Variants in GRM3 observed in about 807,000 individuals in gnomAD.
GRM3 encodes glutamate metabotropic receptor 3.
GRM3 carries 26 observed loss-of-function variants against 70.5 expected under a neutral mutation model. That is an observed-to-expected ratio of 0.37 (90% confidence interval 0.27 to 0.51). The LOEUF is 0.51. Ranked by LOEUF, GRM3 falls within the 20% of genes least tolerant of loss-of-function variation. The probability of loss-of-function intolerance (pLI) is 0.93; values close to 1 mark genes in which losing one functional copy is unlikely to be tolerated. For synonymous variants in GRM3, 443 were observed against 434.9 expected, an observed-to-expected ratio of 1.02 and a Z score of -0.23; for missense variants, 859 against 1,123.8, an observed-to-expected ratio of 0.76 and a Z score of 3.37.
chr7:86,793,518 G>C (rs753357090), intron 3 of GRM3, among the ~76,000 whole-genome samples: 1 of 152,160 alleles, frequency 6.6e-6, no homozygotes, highest in Non-Finnish European at 1.5e-5. Flanking sequence ...CTGATCAAAA[G>C]CATTTCCAAA....
intron 5 of GRM3, among the ~76,000 whole-genome samples, chr7:86,858,544 A>G (rs1798894419): frequency 1.3e-5 from 2 of 152,146 alleles, no homozygotes; most frequent in Admixed American, 6.5e-5. Context: ...GTCATGATAC[A>G]GCAGGAAGGC....
chr7:86,692,242 T>C (rs1032908106), intron 1 of GRM3, among the ~76,000 whole-genome samples: 1 of 152,200 alleles, frequency 6.6e-6, no homozygotes, highest in African/African-American at 2.4e-5. Context: ...ATAAGTCAGT[T>C]TCTAATCCTC....
intron 2 of GRM3, chr7:86,775,354 G>A (rs1796858521): frequency 6.6e-6 from 1 of 151,974 alleles, no homozygotes; most frequent in Admixed American, 6.6e-5. Flanking sequence ...GTTTCAAGTA[G>A]GCTCCATTTG....
At chr7:86,854,185 T>C (rs10226491) in intron 5 of GRM3, among the ~76,000 whole-genome samples, 18,624 of 152,084 alleles carry the variant, frequency 0.12, 1,470 homozygotes, top group African/African-American at 0.23. Flanking sequence ...TGACACAATC[T>C]CGTATAATAC....
intron 4 of GRM3, among the ~76,000 whole-genome samples, chr7:86,840,639 G>A (rs1004269384): frequency 1.3e-5 from 2 of 151,908 alleles, no homozygotes; most frequent in African/African-American, 4.8e-5. Context: ...CTGTTAAAAT[G>A]CTACATAAAA....
At chr7:86,741,233 GA>G (rs1196994346) in intron 1 of GRM3, among the ~76,000 whole-genome samples, 2 of 152,304 alleles carry the variant, frequency 1.3e-5, no homozygotes, top group East Asian at 3.9e-4. Flanking sequence ...GCCAGTGAAT[GA>G]AACATAGGGT....
chr7:86,673,336 T>C (rs1032781432), intron 1 of GRM3, among the ~76,000 whole-genome samples: 1 of 152,178 alleles, frequency 6.6e-6, no homozygotes, highest in African/African-American at 2.4e-5. Flanking sequence ...CTAGTAACTA[T>C]CGAGAATGAT....
intron 1 of GRM3, among the ~76,000 whole-genome samples, chr7:86,729,124 AT>A (rs994965878): frequency 1.3e-4 from 20 of 149,806 alleles, no homozygotes; most frequent in Admixed American, 6.0e-4. Context: ...TTTCAAGCAG[AT>A]TTTTTTTTTA....
At chr7:86,857,171 C>A (rs991559875) in intron 5 of GRM3, among the ~76,000 whole-genome samples, 1 of 150,058 alleles carries the variant, frequency 6.7e-6, no homozygotes, top group African/African-American at 2.5e-5. Context: ...CTTTTCAGCT[C>A]TATACCTGAT....
In GRM3 at chr7:86,799,332, C is replaced by G. The variant is rs564018204; in HGVS notation, c.1324+12216C>G. Reference sequence around the variant, plus strand: ...GACTTCCTCTCTTCCTATTTGAATACTCTTTATTCCTTTCTCTTGACTAAT... The same window carrying G: ...GACTTCCTCTCTTCCTATTTGAATAGTCTTTATTCCTTTCTCTTGACTAAT... On this transcript the variant is annotated intron_variant, in intron 3 of 5. Coordinates refer to ENST00000361669, the MANE Select transcript of GRM3 (RefSeq NM_000840.3). 2.6e-5 allele frequency among the ~76,000 whole-genome samples: 4 copies of G among 152,266 alleles called. No homozygotes were observed. The South Asian group carries it at 8.3e-4, about 32-fold the overall frequency.
Position 86,839,838 on chromosome 7 carries a change from T to C in GRM3, c.2324T>C (p.Met775Thr). Residue 775 changes from methionine to threonine, a missense_variant, in exon 4 of 6, where the codon ATG (methionine) becomes ACG (threonine). Coordinates refer to ENST00000361669, the MANE Select transcript of GRM3 (RefSeq NM_000840.3). The surrounding 1 kb of genome is among the most constrained non-coding windows in gnomAD (Gnocchi z 4.5). ...GAAGCTAAGTTCATAGGTTTTACCA[T>C]GTACACCACGTGCATCATCTGGTTG... is the stretch of plus-strand genomic sequence containing the variant. The part of the protein sequence containing the change: ...FNEAKFIGFT[M>T]YTTCIIWLAF... 2 of 1,614,078 alleles carry C rather than the reference T, an allele frequency of 1.2e-6. No individual in the cohort carries two copies. The highest frequency in any genetic ancestry group is 1.1e-5 in the South Asian group (1 of 91,088).
At chr7:86,691,361 G>T (rs1416762385) in intron 1 of GRM3, among the ~76,000 whole-genome samples, 1 of 151,610 alleles carries the variant, frequency 6.6e-6, no homozygotes, top group Non-Finnish European at 1.5e-5. Context: ...TTTTTTTTTA[G>T]CATGTCAAAG....
chr7:86,669,834 A>C (rs1257397722), intron 1 of GRM3, among the ~76,000 whole-genome samples: 1 of 152,160 alleles, frequency 6.6e-6, no homozygotes, highest in Non-Finnish European at 1.5e-5. Context: ...TTAGTCTCTC[A>C]ATGAAGTATC....
intron 3 of GRM3, among the ~76,000 whole-genome samples, chr7:86,800,997 C>G (rs1181203605): frequency 6.6e-6 from 1 of 151,910 alleles, no homozygotes; most frequent in Admixed American, 6.6e-5. Flanking sequence ...ATACTTTCTA[C>G]CCCTATAGTA....
intron 3 of GRM3, among the ~76,000 whole-genome samples, chr7:86,809,995 A>G (rs1413202095): frequency 6.6e-6 from 1 of 152,126 alleles, no homozygotes; most frequent in Non-Finnish European, 1.5e-5. Context: ...GGAAGACCTC[A>G]TGACAAGAAC....
chr7:86,783,768 A>C (rs535620689), intron 2 of GRM3, among the ~76,000 whole-genome samples: 7 of 152,334 alleles, frequency 4.6e-5, no homozygotes, highest in Admixed American at 3.9e-4. Context: ...AAATTACTTC[A>C]ATACTTCACT....
chr7:86,691,286 T>C (rs1794690853), intron 1 of GRM3, among the ~76,000 whole-genome samples: 2 of 152,186 alleles, frequency 1.3e-5, no homozygotes, highest in South Asian at 4.1e-4. Context: ...TTCCGGTTTC[T>C]ACCTTGGCAA....
intron 2 of GRM3, among the ~76,000 whole-genome samples, chr7:86,779,421 C>T (rs997778936): frequency 1.1e-4 from 17 of 151,884 alleles, no homozygotes; most frequent in Admixed American, 5.9e-4. Context: ...TGCACACGTG[C>T]GCACACACAC....
intron 3 of GRM3, among the ~76,000 whole-genome samples, chr7:86,820,685 C>A (rs561177641): frequency 2.7e-4 from 41 of 152,248 alleles, no homozygotes; most frequent in African/African-American, 9.4e-4. Context: ...TCATATTAAT[C>A]ATTCCTCCAG....
Sources: gnomAD v4.1 joint callset for allele counts (sites outside exome capture counted in the v4.1 genomes callset) on GRCh38, gnomAD v4.1.1 for gene constraint, Gnocchi (gnomAD v3.1) non-coding constraint, MANE v1.5 for transcripts, NCBI Gene and HGNC (gene_info 2026-07-23, HGNC 2026-07-21) for gene names.